The following ACTR3C variants were observed in gnomAD, a reference collection of about 807,000 sequenced individuals.
ACTR3C encodes the protein actin related protein 3C.
A neutral mutation model predicts 26.3 loss-of-function variants in ACTR3C; 18 were observed. That is an observed-to-expected ratio of 0.68 (90% CI 0.47 to 1.01). The LOEUF (loss-of-function observed/expected upper bound fraction) is 1.01. ACTR3C is among the 50% of genes least tolerant of loss of function. The probability of loss-of-function intolerance (pLI) is 0.00; values close to 1 mark genes in which losing one functional copy is unlikely to be tolerated. For synonymous variants in ACTR3C, 55 were observed against 94.5 expected, an observed-to-expected ratio of 0.58 and a Z score of 2.42; for missense variants, 184 against 250.7, an observed-to-expected ratio of 0.73 and a Z score of 1.80.
At chr7:149,945,463 A>G in the ACTR3C span, among the ~76,000 whole-genome samples, 1 of 152,212 alleles carries the variant, frequency 6.6e-6, no homozygotes, top group Non-Finnish European at 1.5e-5. Context: ...CTAAGAAGTG[A>G]CAGTATTGCC....
chr7:150,123,795 A>G, the ACTR3C span, among the ~76,000 whole-genome samples: 1 of 152,218 alleles, frequency 6.6e-6, no homozygotes, highest in Non-Finnish European at 1.5e-5. Flanking sequence ...TAGAAGAAGT[A>G]TGCAGAATGA....
chr7:150,302,911 T>C (rs1197246980), intron 1 of ACTR3C: 1 of 152,188 alleles, frequency 6.6e-6, no homozygotes, highest in East Asian at 1.9e-4. Context: ...GGCCAGAGGC[T>C]CCCTAACATG....
At chr7:150,200,609 T>C in the ACTR3C span, among the ~76,000 whole-genome samples, 1 of 152,206 alleles carries the variant, frequency 6.6e-6, no homozygotes, top group South Asian at 2.1e-4. Flanking sequence ...TCCAGAAGGG[T>C]GATAACATCA....
chr7:150,036,256 C>T, the ACTR3C span, among the ~76,000 whole-genome samples: 11 of 147,410 alleles, frequency 7.5e-5, no homozygotes, highest in South Asian at 2.3e-3. Context: ...AGGTTTTGCC[C>T]AAGAATCAGC....
At chr7:150,048,474 C>G in the ACTR3C span, among the ~76,000 whole-genome samples, 1 of 151,994 alleles carries the variant, frequency 6.6e-6, no homozygotes, top group Non-Finnish European at 1.5e-5. Flanking sequence ...CCACGCGGGT[C>G]GTGGGTGCGG....
At chr7:150,233,882 T>C in the ACTR3C span, among the ~76,000 whole-genome samples, 2 of 152,342 alleles carry the variant, frequency 1.3e-5, no homozygotes, top group African/African-American at 4.8e-5. Flanking sequence ...TTTCATACCT[T>C]AAAATTTTCC....
At chr7:150,019,607 AT>A in the ACTR3C span, among the ~76,000 whole-genome samples, 4 of 144,496 alleles carry the variant, frequency 2.8e-5, no homozygotes, top group Admixed American at 1.4e-4. Context: ...AAAAATAATA[AT>A]AATAATAATA....
chr7:150,131,732 A>G, the ACTR3C span, among the ~76,000 whole-genome samples: 1 of 152,120 alleles, frequency 6.6e-6, no homozygotes, highest in East Asian at 1.9e-4. Context: ...AGAAACAAAA[A>G]CATGTCCACA....
chr7:150,288,629 A>C (rs1212114060), intron 4 of ACTR3C, among the ~76,000 whole-genome samples: 1 of 148,998 alleles, frequency 6.7e-6, no homozygotes, highest in African/African-American at 2.5e-5. Context: ...CCATGGAGGA[A>C]AGGCAAAGAA....
the ACTR3C span, among the ~76,000 whole-genome samples, chr7:150,206,221 C>A: frequency 6.6e-6 from 1 of 152,176 alleles, no homozygotes; most frequent in Non-Finnish European, 1.5e-5. Context: ...TCTTATACAG[C>A]CTCCTTCAAA....
At chr7:150,267,064 G>A (rs1252150534) in intron 6 of ACTR3C, among the ~76,000 whole-genome samples, 2 of 152,190 alleles carry the variant, frequency 1.3e-5, no homozygotes, top group Admixed American at 1.3e-4. Context: ...TTTTGTAATA[G>A]CTAAGACTGG....
chr7:149,970,423 C>T, the ACTR3C span, among the ~76,000 whole-genome samples: 3 of 152,154 alleles, frequency 2.0e-5, no homozygotes, highest in East Asian at 5.8e-4. Flanking sequence ...CCTGGTCTCT[C>T]CTTGTTGTGT....
chr7:150,042,616 C>T, the ACTR3C span, among the ~76,000 whole-genome samples: 23 of 151,712 alleles, frequency 1.5e-4, no homozygotes, highest in African/African-American at 4.1e-4. Flanking sequence ...GTCCCAAGAG[C>T]CAGGGGGTAA....
chr7:150,090,413 G>A, the ACTR3C span, among the ~76,000 whole-genome samples: 1 of 152,196 alleles, frequency 6.6e-6, no homozygotes, highest in Non-Finnish European at 1.5e-5. Flanking sequence ...CAGATTTGCT[G>A]CATTCTGTTT....
At chr7:150,023,161 CTATATAGA>C in the ACTR3C span, among the ~76,000 whole-genome samples, 65 of 71,430 alleles carry the variant, frequency 9.1e-4, no homozygotes, top group East Asian at 0.04. Context: ...ATATAGATAT[CTATATAGA>C]TATATAGATA....
the ACTR3C span, among the ~76,000 whole-genome samples, chr7:150,039,366 T>C: frequency 9.0e-5 from 8 of 88,944 alleles, no homozygotes; most frequent in Middle Eastern, 8.1e-3. Flanking sequence ...TGCCTCCCCC[T>C]CCTGCGATGG....
the ACTR3C span, among the ~76,000 whole-genome samples, chr7:149,893,909 C>T: frequency 6.6e-6 from 1 of 152,120 alleles, no homozygotes; most frequent in Non-Finnish European, 1.5e-5. Flanking sequence ...CCAATGGCAT[C>T]CTTCACAGAA....
chr7:149,931,904 A>G, the ACTR3C span, among the ~76,000 whole-genome samples: 3 of 152,246 alleles, frequency 2.0e-5, no homozygotes, highest in African/African-American at 7.2e-5. Context: ...AACACAATTT[A>G]TGTTTAGAAG....
chr7:150,249,297 C>T (rs1248572449), intron 6 of ACTR3C, among the ~76,000 whole-genome samples: 3 of 152,152 alleles, frequency 2.0e-5, no homozygotes, highest in Non-Finnish European at 4.4e-5. Context: ...TAATAGTCAC[C>T]TGCCACTTCT....
Sources: allele counts gnomAD v4.1 joint callset (sites outside exome capture counted in the v4.1 genomes callset), GRCh38; gene constraint gnomAD v4.1.1; transcripts MANE v1.5; gene names NCBI Gene and HGNC (gene_info 2026-07-23, HGNC 2026-07-21).